Variants in ZNF830 observed in about 807,000 individuals in gnomAD.
ZNF830 encodes zinc finger protein 830, also known as coiled-coil domain containing 16.
ZNF830 carries 15 observed loss-of-function variants against 28.1 expected under a neutral mutation model. That is an observed-to-expected ratio of 0.53 (90% CI 0.36 to 0.82). The LOEUF is 0.82. ZNF830 is among the 40% of genes least tolerant of loss of function. ZNF830 has a pLI of 0.01. For missense variants in ZNF830, 456 were observed against 467.7 expected (o/e 0.97, Z 0.23); for synonymous variants, 208 against 185.3 (o/e 1.12, Z -0.99).
rs751293543 is a variant in ZNF830, at chr17:34,961,867, G to A, written c.301G>A (p.Val101Ile). 23 of 1,613,972 alleles carry A rather than the reference G, an allele frequency of 1.4e-5. No homozygotes were observed. The East Asian group carries it at 1.6e-4, about 11-fold the overall frequency. The part of the protein sequence containing the change: ...GSSASSAPHS[V>I]KRKAPDADDQ... The stretch of plus-strand genomic sequence containing the variant: ...GTCCGCCAGTTCAGCGCCTCATTCC[G>A]TCAAGAGGAAAGCGCCGGACGCAGA... Residue 101 changes from valine to isoleucine, a missense_variant, in exon 1 of 1, where the codon GTC becomes ATC. Transcript: ENST00000361952.
Position 34,962,078 on chromosome 17 carries a change from G to A in ZNF830, c.512G>A (p.Gly171Glu). The A allele has an allele frequency of 6.2e-7, 1 of 1,614,170 alleles. No individual in the cohort carries two copies. The highest frequency in any genetic ancestry group is 8.5e-7 in the Non-Finnish European group (1 of 1,180,034). ...DEEEEEEEEE[G>E]DGERKRGDAS... ...GAGGAGGAGGAAGAGGAGGAGGAAG[G>A]AGATGGAGAAAGAAAAAGGGGGGAC... The change falls in exon 1 of 1, where the codon GGA becomes GAA. Residue 171 changes from glycine to glutamate, a missense_variant. Gly to Glu is a moderately conservative substitution (Grantham distance 98). This residue lies in a region of ZNF830 where 331 missense variants were observed against 290.1 expected (regional missense o/e 1.14). Coordinates refer to ENST00000361952, the MANE Select transcript of ZNF830 (RefSeq NM_052857.4).
Position 34,962,995 on chromosome 17 carries a change from A to G in ZNF830, c.*310A>G, listed in dbSNP as rs11543122. Reference sequence around the variant, plus strand: ...AAATATTGTACATAGTTAAATCTGTATTCTGTTTTGAATTTTTTTAATTAA... The same window carrying G: ...AAATATTGTACATAGTTAAATCTGTGTTCTGTTTTGAATTTTTTTAATTAA... On this transcript the variant is annotated 3_prime_UTR_variant, in exon 1 of 1. Transcript: ENST00000361952. 0.034 allele frequency: 8,105 copies of G among 240,640 alleles called. 199 individuals are homozygous for G. The highest frequency in any genetic ancestry group is 0.068 in the Middle Eastern group (43 of 632). 14.9% of individuals were successfully genotyped at this position (240,640 alleles called of 1,614,324 possible).
Position 34,962,073 on chromosome 17 carries a change from G to GGAAGGAGATGGAGAAA in ZNF830, c.511_526dup (p.Lys176ArgfsTer33). On this transcript the variant is annotated frameshift_variant, in exon 1 of 1. Transcript: ENST00000361952. LOFTEE classifies it high-confidence loss of function. ...ATGAGGAGGAGGAGGAAGAGGAGGAGGAAGGAGATGGAGAAAGAAAAAGGG... is the reference window on the plus strand; with the variant it reads ...ATGAGGAGGAGGAGGAAGAGGAGGAGGAAGGAGATGGAGAAAGAAGGAGATGGAGAAAGAAAAAGGG... 6.2e-7 allele frequency: 1 copy of GGAAGGAGATGGAGAAA among 1,614,140 alleles called. No homozygotes were observed.
rs1300430039 is a variant in ZNF830 at position 34,962,051 on chromosome 17, A to T, written c.485A>T (p.Glu162Val). 14 of 1,605,042 alleles carry T rather than the reference A, an allele frequency of 8.7e-6. No homozygotes were observed. Among genetic ancestry groups the T allele is most frequent in the Non-Finnish European group, 1.2e-5 (14 of 1,174,670 alleles). Reference protein sequence around the residue: ...GLSLLPDYEDEEEEEEEEEGD... With the variant: ...GLSLLPDYEDVEEEEEEEEGD... ...AGTTTACTCCCCGATTATGAAGATGAGGAGGAGGAGGAAGAGGAGGAGGAA... is the reference window on the plus strand; with the variant it reads ...AGTTTACTCCCCGATTATGAAGATGTGGAGGAGGAGGAAGAGGAGGAGGAA... The change falls in exon 1 of 1, where the codon GAG becomes GTG. Residue 162 changes from glutamate to valine, a missense_variant. By Grantham distance (121) the Glu-to-Val change is moderately radical. Around this residue, in one of 2 missense-constraint regions of ZNF830, gnomAD observed 331 missense variants for 290.1 expected, o/e 1.14. Coordinates refer to ENST00000361952, the MANE Select transcript of ZNF830 (RefSeq NM_052857.4).
chr17:34,962,271 G>T lies in ZNF830; in HGVS notation c.705G>T (p.Val235=). 1 of 1,613,942 alleles carries T rather than the reference G, an allele frequency of 6.2e-7. No homozygotes were observed. Among genetic ancestry groups the T allele is most frequent in the Non-Finnish European group, 8.5e-7 (1 of 1,180,042 alleles). The change falls in exon 1 of 1, where the codon GTG becomes GTT. Residue 235 remains valine (V), a synonymous_variant. Transcript: ENST00000361952. ...SIEKAEIHEK[V]VERRENTAEA... ...AGAAAGCAGAAATACATGAAAAAGT[G>T]GTGGAAAGGAGAGAAAACACCGCGG...
In ZNF830 at chr17:34,961,903, GT is replaced by G. The variant is rs753802208; in HGVS notation, c.338del (p.Val113AlafsTer26). 2.5e-6 allele frequency: 4 copies of G among 1,614,198 alleles called. No homozygotes were observed. The highest frequency in any genetic ancestry group is 3.4e-6 in the Non-Finnish European group (4 of 1,180,038). On this transcript the variant is annotated frameshift_variant, in exon 1 of 1. Transcript: ENST00000361952. LOFTEE classifies it high-confidence loss of function. Reference protein sequence around the residue: ...RKAPDADDQDVKRAKATLVPQ... With the variant: ...RKAPDADDQDXKRAKATLVPQ... ...AGCGCCGGACGCAGACGACCAAGAT[GT>G]CAAGAGAGCGAAGGCCACCTTGGTG...
Position 34,962,513 on chromosome 17 carries a change from G to C in ZNF830, c.947G>C (p.Arg316Pro). ...GEIDEQIECY[R>P]RVEKLRNRQD... ...ATCGATGAGCAGATAGAGTGTTACC[G>C]ACGGGTGGAAAAGCTACGGAATCGC... Residue 316 changes from arginine (R) to proline (P), a missense_variant, in exon 1 of 1, where the codon CGA becomes CCA. Coordinates refer to ENST00000361952, the MANE Select transcript of ZNF830 (RefSeq NM_052857.4). 1 of 1,614,136 alleles carries C rather than the reference G, an allele frequency of 6.2e-7. No homozygotes were observed. Among genetic ancestry groups the C allele is most frequent in the Non-Finnish European group, 8.5e-7 (1 of 1,180,026 alleles).
In ZNF830 at chr17:34,962,948, C is replaced by T. The variant is rs570628538; in HGVS notation, c.*263C>T. 114 of 370,674 alleles carry T rather than the reference C, an allele frequency of 3.1e-4. No individual in the cohort carries two copies. The South Asian group carries it at 8.0e-3, about 26-fold the overall frequency. The allele number at this position is 370,674 out of a possible 1,614,324, so 23.0% of individuals were successfully genotyped here. Reference sequence around the variant, plus strand: ...CACGACAGACTTAACTGTATAATTTCGTTGTAAAATCTGTAAGTTGTAAAT... The same window carrying T: ...CACGACAGACTTAACTGTATAATTTTGTTGTAAAATCTGTAAGTTGTAAAT... On this transcript the variant is annotated 3_prime_UTR_variant, in exon 1 of 1. Coordinates refer to ENST00000361952, the MANE Select transcript of ZNF830 (RefSeq NM_052857.4).
In ZNF830 at chr17:34,961,935, G is replaced by A. The variant is rs1297084993; in HGVS notation, c.369G>A (p.Gln123=). The A allele has an allele frequency of 1.9e-6, 3 of 1,614,168 alleles. No individual in the cohort carries two copies. The highest frequency in any genetic ancestry group is 2.5e-6 in the Non-Finnish European group (3 of 1,180,034). The part of the protein sequence containing the change: ...VKRAKATLVP[Q]VQPSTSAWTT... Reference sequence around the variant, plus strand: ...GAGCGAAGGCCACCTTGGTGCCTCAGGTACAGCCCTCCACATCTGCGTGGA... The same window carrying A: ...GAGCGAAGGCCACCTTGGTGCCTCAAGTACAGCCCTCCACATCTGCGTGGA... The change falls in exon 1 of 1, where the codon CAG becomes CAA. Residue 123 remains glutamine, a synonymous_variant. Transcript: ENST00000361952.
chr17:34,961,994 T>C lies in ZNF830; in HGVS notation c.428T>C (p.Ile143Thr). ...TNFDKIGKEFIRATPSKPSGL... is the reference protein window; with the variant it reads ...TNFDKIGKEFTRATPSKPSGL... ...TTTGACAAAATAGGAAAGGAGTTCA[T>C]TAGAGCGACTCCCAGTAAGCCTTCA... Residue 143 changes from isoleucine (I) to threonine (T), a missense_variant, in exon 1 of 1, where the codon ATT becomes ACT. Coordinates refer to ENST00000361952, the MANE Select transcript of ZNF830 (RefSeq NM_052857.4). 6.2e-7 allele frequency: 1 copy of C among 1,614,078 alleles called. No individual in the cohort carries two copies. Among genetic ancestry groups the C allele is most frequent in the Non-Finnish European group, 8.5e-7 (1 of 1,180,002 alleles).
Position 34,962,242 on chromosome 17 carries a change from A to G in ZNF830, c.676A>G (p.Ile226Val). 6.2e-7 allele frequency: 1 copy of G among 1,613,958 alleles called. No homozygotes were observed. The highest frequency in any genetic ancestry group is 8.5e-7 in the Non-Finnish European group (1 of 1,180,038). Reference protein sequence around the residue: ...KAPIIPHSGSIEKAEIHEKVV... With the variant: ...KAPIIPHSGSVEKAEIHEKVV... ...CCCCATAATTCCTCATTCAGGGTCA[A>G]TTGAGAAAGCAGAAATACATGAAAA... The change falls in exon 1 of 1, where the codon ATT becomes GTT. Residue 226 changes from isoleucine to valine, a missense_variant. Coordinates refer to ENST00000361952, the MANE Select transcript of ZNF830 (RefSeq NM_052857.4).
chr17:34,961,929 G>T lies in ZNF830; in HGVS notation c.363G>T (p.Val121=), dbSNP rs759665626. ...QDVKRAKATL[V]PQVQPSTSAW... is the part of the protein sequence containing the mutation. ...TCAAGAGAGCGAAGGCCACCTTGGT[G>T]CCTCAGGTACAGCCCTCCACATCTG... Residue 121 remains valine, a synonymous_variant, in exon 1 of 1, where the codon GTG becomes GTT. Coordinates refer to ENST00000361952, the MANE Select transcript of ZNF830 (RefSeq NM_052857.4). 1.2e-6 allele frequency: 2 copies of T among 1,614,208 alleles called. No individual in the cohort carries two copies. The highest frequency in any genetic ancestry group is 2.2e-5 in the East Asian group (1 of 44,880).
chr17:34,961,894 G>A lies in ZNF830; in HGVS notation c.328G>A (p.Asp110Asn). ...SVKRKAPDAD[D>N]QDVKRAKATL... ...CAAGAGGAAAGCGCCGGACGCAGAC[G>A]ACCAAGATGTCAAGAGAGCGAAGGC... Residue 110 changes from aspartate (D) to asparagine (N), a missense_variant, in exon 1 of 1, where the codon GAC becomes AAC. Physicochemically the swap from Asp to Asn is conservative, Grantham distance 23. Coordinates refer to ENST00000361952, the MANE Select transcript of ZNF830 (RefSeq NM_052857.4). 4 of 1,614,144 alleles carry A rather than the reference G, an allele frequency of 2.5e-6. No individual in the cohort carries two copies. Among genetic ancestry groups the A allele is most frequent in the Non-Finnish European group, 2.5e-6 (3 of 1,180,028 alleles).
chr17:34,963,419 T>C lies in ZNF830; in HGVS notation c.*734T>C, dbSNP rs1384330720. The C allele has an allele frequency of 6.6e-6, 1 of 152,252 alleles. No individual in the cohort carries two copies. Among genetic ancestry groups the C allele is most frequent in the Non-Finnish European group, 1.5e-5 (1 of 68,050 alleles). The allele number at this position is 152,252 out of a possible 1,614,324, so 9.4% of individuals were successfully genotyped here. ...TGCCAGGGTTAGAGAGTAACTGCCC[T>C]AAATCCAGAACCCATTTATGTTTTT... On this transcript the variant is annotated 3_prime_UTR_variant, in exon 1 of 1. Coordinates refer to ENST00000361952, the MANE Select transcript of ZNF830 (RefSeq NM_052857.4).
Position 34,962,380 on chromosome 17 carries a change from A to G in ZNF830, c.814A>G (p.Lys272Glu). The G allele has an allele frequency of 6.2e-7, 1 of 1,614,194 alleles. No individual in the cohort carries two copies. The highest frequency in any genetic ancestry group is 8.5e-7 in the Non-Finnish European group (1 of 1,180,040). ...KVDAPKDQMD[K>E]EWDEFQKAMR... ...TGATGCTCCAAAAGATCAGATGGAC[A>G]AAGAGTGGGACGAATTCCAAAAAGC... Residue 272 changes from lysine (K) to glutamate (E), a missense_variant, in exon 1 of 1, where the codon AAA becomes GAA. Lys to Glu is a moderately conservative substitution (Grantham distance 56). This residue lies in a region of ZNF830 where 125 missense variants were observed against 177.7 expected (regional missense o/e 0.70). Transcript: ENST00000361952.
chr17:34,961,682 A>G lies in ZNF830; in HGVS notation c.116A>G (p.Glu39Gly). 1 of 1,614,188 alleles carries G rather than the reference A, an allele frequency of 6.2e-7. No homozygotes were observed. Among genetic ancestry groups the G allele is most frequent in the African/African-American group, 1.3e-5 (1 of 75,044 alleles). Residue 39 changes from glutamate (E) to glycine (G), a missense_variant, in exon 1 of 1, where the codon GAA becomes GGA. By Grantham distance (98) the Glu-to-Gly change is moderately conservative. Coordinates refer to ENST00000361952, the MANE Select transcript of ZNF830 (RefSeq NM_052857.4). ...QRLSTSRKRI[E>G]SPFAKYNRLG... Reference sequence around the variant, plus strand: ...CTGAGCACCAGTCGGAAACGGATAGAATCTCCATTCGCGAAGTACAACCGT... The same window carrying G: ...CTGAGCACCAGTCGGAAACGGATAGGATCTCCATTCGCGAAGTACAACCGT...
rs759607426 is a variant in ZNF830, at chr17:34,962,172, T to C, written c.606T>C (p.Ser202=). 9 of 1,613,978 alleles carry C rather than the reference T, an allele frequency of 5.6e-6. No homozygotes were observed. The African/African-American group carries it at 1.1e-4, about 19-fold the overall frequency. The change falls in exon 1 of 1, where the codon AGT becomes AGC. Residue 202 remains serine, a synonymous_variant. Coordinates refer to ENST00000361952, the MANE Select transcript of ZNF830 (RefSeq NM_052857.4). ...HSVSSSREVT[S]SVLPNDFFST... is the part of the protein sequence containing the mutation. ...TTTCCTCTTCACGGGAGGTAACAAGTAGTGTGCTGCCAAACGATTTCTTTA... is the reference window on the plus strand; with the variant it reads ...TTTCCTCTTCACGGGAGGTAACAAGCAGTGTGCTGCCAAACGATTTCTTTA...
Position 34,962,855 on chromosome 17 carries a change from A to G in ZNF830, c.*170A>G. ...CTACAGCACTTTGGAAAATTTGTGT[A>G]ACATGTTTTTGAGGTAAAGTTGTTT... On this transcript the variant is annotated 3_prime_UTR_variant, in exon 1 of 1. Transcript: ENST00000361952. The G allele has an allele frequency of 1.6e-6, 2 of 1,241,004 alleles. No individual in the cohort carries two copies. Among genetic ancestry groups the G allele is most frequent in the Non-Finnish European group, 2.1e-6 (2 of 944,032 alleles). The allele number at this position is 1,241,004 out of a possible 1,614,324, so 76.9% of individuals were successfully genotyped here.
In ZNF830 at chr17:34,963,020, A is replaced by G. The variant is rs1350498777; in HGVS notation, c.*335A>G. On this transcript the variant is annotated 3_prime_UTR_variant, in exon 1 of 1. Coordinates refer to ENST00000361952, the MANE Select transcript of ZNF830 (RefSeq NM_052857.4). Reference sequence around the variant, plus strand: ...ATTCTGTTTTGAATTTTTTTAATTAATAGAAAGACCAACCGGCAAACTTTC... The same window carrying G: ...ATTCTGTTTTGAATTTTTTTAATTAGTAGAAAGACCAACCGGCAAACTTTC... 3.0e-5 allele frequency: 6 copies of G among 201,830 alleles called. No homozygotes were observed. The highest frequency in any genetic ancestry group is 1.5e-4 in the East Asian group (1 of 6,766). The allele number at this position is 201,830 out of a possible 1,614,324, so 12.5% of individuals were successfully genotyped here.
Sources: gnomAD v4.1 joint callset for allele counts on GRCh38, gnomAD v4.1.1 for gene constraint, gnomAD v4.1.1 regional missense constraint, MANE v1.5 for transcripts, NCBI Gene and HGNC (gene_info 2026-07-23, HGNC 2026-07-21) for gene names.